Variants in SGPP2 observed in about 807,000 individuals in gnomAD.
SGPP2 encodes the protein sphingosine 1-phosphate phosphohydrolase 2.
Under a neutral mutation model 33.9 loss-of-function variants are expected in SGPP2, and 30 were observed. The ratio of observed to expected loss-of-function variants is 0.89; its 90% CI spans 0.66 to 1.20. The LOEUF (loss-of-function observed/expected upper bound fraction) is 1.20, where lower values mean the gene tolerates loss of function less well. Ranked by LOEUF, SGPP2 falls within the 50% of genes most tolerant of loss-of-function variation. SGPP2 has a pLI of 0.00. For synonymous variants in SGPP2, 233 were observed against 225.0 expected, an observed-to-expected ratio of 1.04 and a Z score of -0.32; for missense variants, 458 against 532.1, an observed-to-expected ratio of 0.86 and a Z score of 1.37.
At chr2:222,432,222 C>T (rs2106057199) in intron 1 of SGPP2, among the ~76,000 whole-genome samples, 1 of 152,228 alleles carries the variant, frequency 6.6e-6, no homozygotes, top group East Asian at 1.9e-4. Context: ...AGTGGTGAAG[C>T]CTTTTAAGAA....
chr2:222,449,639 T>C (rs1390708803), intron 1 of SGPP2, among the ~76,000 whole-genome samples: 1 of 152,144 alleles, frequency 6.6e-6, no homozygotes, highest in Non-Finnish European at 1.5e-5. Flanking sequence ...CCTGCTAATT[T>C]TTTGTATTTC....
Position 222,515,814 on chromosome 2 carries a change from G to A in SGPP2, c.379-5953G>A, listed in dbSNP as rs376653277. Among the ~76,000 whole-genome samples, 431 of 152,148 alleles carry A rather than the reference G, an allele frequency of 2.8e-3. 1 individual carries two copies. The highest frequency in any genetic ancestry group is 5.2e-3 in the Non-Finnish European group (354 of 68,000). The stretch of plus-strand genomic sequence containing the variant: ...AGCACTTTGGGAGGCCAAGGCAGGC[G>A]GATCACCTGAGGTCAGGAGTTCAAG... On this transcript the variant is annotated intron_variant, in intron 2 of 4. Transcript: ENST00000321276.
chr2:222,549,863 T>TTTTTC lies in SGPP2; in HGVS notation c.649-8464_649-8460dup, dbSNP rs572624297. 1.6e-4 allele frequency among the ~76,000 whole-genome samples: 24 copies of TTTTTC among 151,634 alleles called. No homozygotes were observed. In the South Asian group the frequency reaches 3.6e-3, roughly 22 times the overall value. ...AAGGCTGGAAACACATCTTGTATGCTTTTTCTTTTCTTTTCTTTTCTTTTT... is the reference window on the plus strand; with the variant it reads ...AAGGCTGGAAACACATCTTGTATGCTTTTTCTTTTCTTTTCTTTTCTTTTCTTTTT... On this transcript the variant is annotated intron_variant, in intron 4 of 4. Transcript: ENST00000321276.
At chr2:222,479,424 A>T in intron 2 of SGPP2, among the ~76,000 whole-genome samples, 2 of 99,482 alleles carry the variant, frequency 2.0e-5, no homozygotes, top group African/African-American at 4.5e-5. Context: ...TTTTTTTGAG[A>T]CAGAGTATCG....
At chr2:222,464,093 G>A (rs1389730187) in intron 1 of SGPP2, among the ~76,000 whole-genome samples, 1 of 152,182 alleles carries the variant, frequency 6.6e-6, no homozygotes, top group African/African-American at 2.4e-5. Context: ...AAATGAATCA[G>A]AAACATCTGC....
intron 2 of SGPP2, 110 bp downstream of exon 2, chr2:222,474,836 CT>C: frequency 1.1e-6 from 1 of 903,854 alleles, no homozygotes; most frequent in Non-Finnish European, 1.6e-6. Context: ...TTTTTTACCA[CT>C]TAGAGTTGAA....
intron 2 of SGPP2, among the ~76,000 whole-genome samples, chr2:222,509,458 G>A (rs1172326459): frequency 6.6e-6 from 1 of 151,962 alleles, no homozygotes; most frequent in Non-Finnish European, 1.5e-5. Flanking sequence ...AGCTTTTAAA[G>A]AAAGCCTCCA....
At chr2:222,455,241 A>C (rs1218729036) in intron 1 of SGPP2, among the ~76,000 whole-genome samples, 1 of 152,088 alleles carries the variant, frequency 6.6e-6, no homozygotes, top group East Asian at 1.9e-4. Context: ...GTTTAAGAGA[A>C]TTTCAGATGG....
chr2:222,559,396 G>A lies in SGPP2; in HGVS notation c.*498G>A. On this transcript the variant is annotated 3_prime_UTR_variant, in exon 5 of 5. Transcript: ENST00000321276. Reference sequence around the variant, plus strand: ...AAATGGGAACTTTGGTCTAGGAGAAGGGGTGGCACCATATGAAACGGCATT... The same window carrying A: ...AAATGGGAACTTTGGTCTAGGAGAAAGGGTGGCACCATATGAAACGGCATT... 1 of 161,084 alleles carries A rather than the reference G, an allele frequency of 6.2e-6. No individual in the cohort carries two copies. Among genetic ancestry groups the A allele is most frequent in the South Asian group, 1.7e-4 (1 of 5,840 alleles). The allele number at this position is 161,084 out of a possible 1,614,324, so 10.0% of individuals were successfully genotyped here.
At chr2:222,532,488 GAGGCATTA>G (rs1698853571) in intron 4 of SGPP2, among the ~76,000 whole-genome samples, 1 of 152,104 alleles carries the variant, frequency 6.6e-6, no homozygotes, top group Non-Finnish European at 1.5e-5. Flanking sequence ...GAAGCATGGG[GAGGCATTA>G]AACCCGCATG....
chr2:222,441,491 A>G (rs948941068), intron 1 of SGPP2, among the ~76,000 whole-genome samples: 39 of 152,252 alleles, frequency 2.6e-4, no homozygotes, highest in Non-Finnish European at 4.1e-4. Context: ...ATTAAAAAGT[A>G]GAGTTTATAA....
chr2:222,437,720 G>A (rs760709666), intron 1 of SGPP2, among the ~76,000 whole-genome samples: 12 of 152,130 alleles, frequency 7.9e-5, no homozygotes, highest in Admixed American at 2.0e-4. Context: ...AGTTCATGAC[G>A]GGCAGTTCAG....
chr2:222,541,080 G>A (rs897847082), intron 4 of SGPP2, among the ~76,000 whole-genome samples: 8 of 152,156 alleles, frequency 5.3e-5, no homozygotes, highest in African/African-American at 1.9e-4. Context: ...GCCTTCCAAA[G>A]TGCTGGGATT....
At chr2:222,514,599 C>T (rs1018057522) in intron 2 of SGPP2, among the ~76,000 whole-genome samples, 1 of 141,718 alleles carries the variant, frequency 7.1e-6, no homozygotes, top group South Asian at 2.6e-4. Flanking sequence ...TCATAACCTG[C>T]AAGAAAATAT....
chr2:222,474,510 T>C (rs924778724), intron 1 of SGPP2, 58 bp from the exon 2 acceptor site: 1 of 1,514,986 alleles, frequency 6.6e-7, no homozygotes, highest in African/African-American at 1.4e-5. Context: ...TAGACAGAGA[T>C]GTTTAAAACT....
At chr2:222,543,853 G>A (rs1689131541) in intron 4 of SGPP2, among the ~76,000 whole-genome samples, 1 of 152,062 alleles carries the variant, frequency 6.6e-6, no homozygotes, top group Non-Finnish European at 1.5e-5. Context: ...TTTCGAATCG[G>A]CTTTTCATTT....
rs6752038 is a variant in SGPP2, at chr2:222,561,182, C to T, written c.*2284C>T. ...TCTCATATTTATTATAGTTAGAAGG[C>T]AAAGATCAAGATGACCTGCCGTTTG... On this transcript the variant is annotated 3_prime_UTR_variant, in exon 5 of 5. Transcript: ENST00000321276. 0.15 allele frequency among the ~76,000 whole-genome samples: 22,103 copies of T among 151,802 alleles called. 2,519 individuals are homozygous for T. The highest frequency in any genetic ancestry group is 0.56 in the East Asian group (2,898 of 5,162).
intron 4 of SGPP2, among the ~76,000 whole-genome samples, chr2:222,533,653 T>C (rs186509830): frequency 8.9e-4 from 135 of 152,298 alleles, no homozygotes; most frequent in African/African-American, 3.1e-3. Context: ...GCAGCTGGCA[T>C]TGGGAGAGTG....
chr2:222,460,622 GC>G lies in SGPP2; in HGVS notation c.220-13944del, dbSNP rs1697644019. 1.3e-5 allele frequency among the ~76,000 whole-genome samples: 2 copies of G among 152,140 alleles called. No individual in the cohort carries two copies. Among genetic ancestry groups the G allele is most frequent in the South Asian group, 4.1e-4 (2 of 4,820 alleles). On this transcript the variant is annotated intron_variant, in intron 1 of 4. Transcript: ENST00000321276. The surrounding 1 kb of genome is among the most constrained non-coding windows in gnomAD (Gnocchi z 4.3). ...CCCTATTACCCAAGTTCTAAACCCA[GC>G]CTCCTTATTACGACCTCCAGGGCTC...
Sources: allele counts gnomAD v4.1 joint callset (sites outside exome capture counted in the v4.1 genomes callset), GRCh38; gene constraint gnomAD v4.1.1; non-coding constraint Gnocchi (gnomAD v3.1); transcripts MANE v1.5; gene names NCBI Gene and HGNC (gene_info 2026-07-23, HGNC 2026-07-21).